The following ZFHX3 variants were observed in gnomAD, a reference collection of about 807,000 sequenced individuals.
ZFHX3 encodes the protein zinc finger homeobox 3.
A neutral mutation model predicts 279.1 loss-of-function variants in ZFHX3; 42 were observed. The ratio of observed to expected loss-of-function variants is 0.15; its 90% CI spans 0.12 to 0.19. The LOEUF (loss-of-function observed/expected upper bound fraction) is 0.19, where lower values mean the gene tolerates loss of function less well. Ranked by LOEUF, ZFHX3 falls within the 10% of genes least tolerant of loss-of-function variation. The pLI, the probability that ZFHX3 is intolerant of heterozygous loss-of-function variation, is 1.00. For missense variants in ZFHX3, 4,981 were observed against 4,754.0 expected (o/e 1.05, Z -1.40); for synonymous variants, 2,293 against 1,957.8 (o/e 1.17, Z -4.52).
intron 1 of ZFHX3, among the ~76,000 whole-genome samples, chr16:73,045,709 A>G (rs1597131699): frequency 6.8e-6 from 1 of 146,742 alleles, no homozygotes; most frequent in African/African-American, 2.5e-5. Flanking sequence ...GTGTTTCTCA[A>G]TAGTTCCCTG....
chr16:73,143,630 T>C (rs1966853274), intron 6 of ZFHX3: 3 of 611,598 alleles, frequency 4.9e-6, no homozygotes, highest in Non-Finnish European at 8.1e-6. Context: ...AACACTGCAA[T>C]TTCCTTTGAA....
At position 73,640,409 on chromosome 16, in the gene ZFHX3, A is replaced by T. The variant is rs888688827; in HGVS notation, c.-1547+39771T>A. Among the ~76,000 whole-genome samples, 8 of 47,114 alleles carry T rather than the reference A, an allele frequency of 1.7e-4. No individual in the cohort carries two copies. In the East Asian group the frequency reaches 5.4e-3, roughly 32 times the overall value. 30.9% of individuals were successfully genotyped at this position (47,114 alleles called of 152,430 possible). The stretch of plus-strand genomic sequence containing the variant: ...TTGGAGGAAGCTGAATCACAGGGAC[A>T]GAAATAAACTGCAAAAAAAAAGAAA... On this transcript the variant is annotated intron_variant, in intron 2 of 17. Coordinates refer to the ZFHX3 transcript ENST00000641206.
At chr16:73,606,938 G>A (rs946462984) in intron 2 of ZFHX3, among the ~76,000 whole-genome samples, 8 of 152,030 alleles carry the variant, frequency 5.3e-5, no homozygotes, top group African/African-American at 1.9e-4. Flanking sequence ...GCTCATTCTT[G>A]TAATCTCCAG....
intron 2 of ZFHX3, among the ~76,000 whole-genome samples, chr16:73,497,272 C>A (rs2019157707): frequency 6.6e-6 from 1 of 152,224 alleles, no homozygotes; most frequent in Admixed American, 6.5e-5. Flanking sequence ...CAGTCCTCAG[C>A]CACTCAAAAA....
At chr16:73,442,942 G>A (rs1039233361) in intron 3 of ZFHX3, among the ~76,000 whole-genome samples, 1 of 152,090 alleles carries the variant, frequency 6.6e-6, no homozygotes, top group Admixed American at 6.5e-5. Context: ...TGTAGAGACG[G>A]GGTCTCACCA....
chr16:73,546,599 G>T (rs1298773262), intron 2 of ZFHX3, among the ~76,000 whole-genome samples: 1 of 152,096 alleles, frequency 6.6e-6, no homozygotes, highest in Non-Finnish European at 1.5e-5. Context: ...ATTGGCAGGA[G>T]TGGAGATTGC....
intron 4 of ZFHX3, among the ~76,000 whole-genome samples, chr16:72,850,036 A>G (rs982489376): frequency 2.0e-5 from 3 of 152,204 alleles, no homozygotes; most frequent in South Asian, 4.1e-4. Flanking sequence ...AGAGCAAACA[A>G]GAGGATTAGA....
chr16:73,140,471 G>C (rs1966844553), intron 6 of ZFHX3, among the ~76,000 whole-genome samples: 1 of 152,136 alleles, frequency 6.6e-6, no homozygotes, highest in Non-Finnish European at 1.5e-5. Flanking sequence ...GGGAAGTCTG[G>C]AGTTCGGGTT....
In ZFHX3 at chr16:72,833,230, C is replaced by A. The variant is rs78486271; in HGVS notation, c.3449-3371G>T. 2.3e-3 allele frequency among the ~76,000 whole-genome samples: 358 copies of A among 152,346 alleles called. 11 individuals are homozygous for A. In the East Asian group the frequency reaches 0.06, roughly 25 times the overall value. On this transcript the variant is annotated intron_variant, in intron 4 of 9. Transcript: ENST00000268489. Reference sequence around the variant, plus strand: ...TTTGAAACAGAGATCTGCGTCCACACGCTAAGCTCCTAGGGCTGTTATCTA... The same window carrying A: ...TTTGAAACAGAGATCTGCGTCCACAAGCTAAGCTCCTAGGGCTGTTATCTA...
At chr16:73,813,936 A>T (rs1960493365) in intron 1 of ZFHX3, 1 of 152,232 alleles carries the variant, frequency 6.6e-6, no homozygotes, top group South Asian at 2.1e-4. Flanking sequence ...AGTTGGGCTG[A>T]ATTTAATTTA....
chr16:72,978,793 C>T (rs1322419633), intron 1 of ZFHX3, among the ~76,000 whole-genome samples: 1 of 152,170 alleles, frequency 6.6e-6, no homozygotes, highest in East Asian at 1.9e-4. Context: ...AAGGGGAGGC[C>T]ACTATACAAC....
chr16:72,925,256 C>T (rs963306190), intron 3 of ZFHX3, among the ~76,000 whole-genome samples: 2 of 152,208 alleles, frequency 1.3e-5, no homozygotes, highest in Admixed American at 6.5e-5. Flanking sequence ...CCCACTTCTT[C>T]CTTCCTACCA....
chr16:73,571,303 T>C (rs1433356575), intron 2 of ZFHX3, among the ~76,000 whole-genome samples: 4 of 148,286 alleles, frequency 2.7e-5, no homozygotes, highest in East Asian at 3.9e-4. Context: ...TAAGCTCAGA[T>C]AGTATTAAAG....
chr16:73,632,129 C>A (rs1294264396), intron 2 of ZFHX3, among the ~76,000 whole-genome samples: 2 of 152,136 alleles, frequency 1.3e-5, no homozygotes, highest in African/African-American at 4.8e-5. Flanking sequence ...ACTAAAGTGG[C>A]TGCAGGCAAA....
At chr16:73,672,629 G>A (rs1531673) in intron 2 of ZFHX3, among the ~76,000 whole-genome samples, 100,434 of 151,738 alleles carry the variant, frequency 0.66, 33,335 homozygotes, top group Middle Eastern at 0.84. Context: ...ATTATTTTTC[G>A]AAAGAATAAT....
intron 1 of ZFHX3, among the ~76,000 whole-genome samples, chr16:73,734,373 A>G (rs2053592611): frequency 6.6e-6 from 1 of 152,220 alleles, no homozygotes; most frequent in Admixed American, 6.5e-5. Flanking sequence ...GAGAAAGCCT[A>G]TGATTTTGTA....
At chr16:72,983,686 G>A (rs1962718567) in intron 1 of ZFHX3, among the ~76,000 whole-genome samples, 1 of 151,842 alleles carries the variant, frequency 6.6e-6, no homozygotes, top group African/African-American at 2.4e-5. Flanking sequence ...CAGCCTGGGT[G>A]ACAGATCAAG....
At chr16:72,926,134 AAACTT>A (rs1441453271) in intron 3 of ZFHX3, among the ~76,000 whole-genome samples, 1 of 152,218 alleles carries the variant, frequency 6.6e-6, no homozygotes, top group Non-Finnish European at 1.5e-5. Flanking sequence ...AAACCTTTAA[AAACTT>A]AACAAGGAAT....
chr16:73,814,846 G>A (rs976187881), intron 1 of ZFHX3, among the ~76,000 whole-genome samples: 4 of 152,112 alleles, frequency 2.6e-5, no homozygotes, highest in Non-Finnish European at 5.9e-5. Context: ...GGGATTACAG[G>A]AGTGAGCCTT....
Sources: gnomAD v4.1 joint callset for allele counts (sites outside exome capture counted in the v4.1 genomes callset) on GRCh38, gnomAD v4.1.1 for gene constraint, MANE v1.5 for transcripts, NCBI Gene and HGNC (gene_info 2026-07-23, HGNC 2026-07-21) for gene names.